VOPP1: variants seen among roughly 807,000 people sequenced by gnomAD.
The protein encoded by VOPP1 is VOPP1 WW domain binding protein, also known as WW domain binding protein VOPP1.
In VOPP1, 8 loss-of-function variants were observed where a neutral mutation model predicts 23.5. The ratio of observed to expected loss-of-function variants is 0.34; its 90% CI spans 0.20 to 0.61. VOPP1 has a LOEUF of 0.61. Among genes scored for constraint, VOPP1 ranks in the 20% least tolerant of loss-of-function variants. The probability of loss-of-function intolerance (pLI) is 0.78; values close to 1 mark genes in which losing one functional copy is unlikely to be tolerated. For synonymous variants in VOPP1, 83 were observed against 97.3 expected (o/e 0.85, Z 0.86); for missense variants, 174 against 238.1 (o/e 0.73, Z 1.77).
At chr7:55,545,969 A>C (rs1405333956) in intron 1 of VOPP1, among the ~76,000 whole-genome samples, 4 of 152,144 alleles carry the variant, frequency 2.6e-5, no homozygotes, top group African/African-American at 9.7e-5. Flanking sequence ...CAGGAAGCTG[A>C]GGTGGGAGGA....
intron 4 of VOPP1, among the ~76,000 whole-genome samples, chr7:55,451,259 TA>T (rs1389617636): frequency 6.6e-6 from 1 of 152,130 alleles, no homozygotes; most frequent in Non-Finnish European, 1.5e-5. Flanking sequence ...ACAGGAACAT[TA>T]CAATAAAAAG....
chr7:55,518,702 T>C (rs1795635554), intron 2 of VOPP1, among the ~76,000 whole-genome samples: 1 of 152,242 alleles, frequency 6.6e-6, no homozygotes, highest in Admixed American at 6.5e-5. Flanking sequence ...GGCACTATCC[T>C]ACGCTTGTTG....
chr7:55,515,667 T>C (rs1271722655), intron 2 of VOPP1, among the ~76,000 whole-genome samples: 1 of 152,018 alleles, frequency 6.6e-6, no homozygotes, highest in Non-Finnish European at 1.5e-5. Context: ...TGGAGCTACC[T>C]CCTCCCATGC....
chr7:55,543,297 T>C (rs1364634261), intron 1 of VOPP1, among the ~76,000 whole-genome samples: 1 of 152,230 alleles, frequency 6.6e-6, no homozygotes, highest in Non-Finnish European at 1.5e-5. Flanking sequence ...TGTCCACTGA[T>C]GGGCACTTAG....
chr7:55,508,243 G>A (rs1297983842), intron 2 of VOPP1, among the ~76,000 whole-genome samples: 1 of 152,154 alleles, frequency 6.6e-6, no homozygotes, highest in African/African-American at 2.4e-5. Flanking sequence ...TTAAATTACT[G>A]CTGAACTTTG....
intron 4 of VOPP1, among the ~76,000 whole-genome samples, chr7:55,453,059 T>C (rs1235240882): frequency 2.0e-5 from 3 of 151,948 alleles, no homozygotes; most frequent in Non-Finnish European, 2.9e-5. Context: ...AACTCTGTTG[T>C]CGAGTGTAGC....
intron 4 of VOPP1, among the ~76,000 whole-genome samples, chr7:55,461,926 T>C (rs919841105): frequency 1.3e-5 from 2 of 152,234 alleles, no homozygotes; most frequent in Admixed American, 6.5e-5. Context: ...TTCTCATTTG[T>C]ATCTGCTCCA....
At chr7:55,552,528 C>A in intron 1 of VOPP1, 1 of 1,466,376 alleles carries the variant, frequency 6.8e-7, no homozygotes, top group Non-Finnish European at 9.2e-7. Flanking sequence ...TTACACATGC[C>A]CAGCAACACA....
At chr7:55,552,769 C>T (rs546958417) in intron 1 of VOPP1, 1 of 1,527,068 alleles carries the variant, frequency 6.5e-7, no homozygotes, top group South Asian at 1.2e-5. Flanking sequence ...AGAGAGGCAG[C>T]AAGTGGAGCC....
chr7:55,447,550 T>C (rs1380121520), intron 4 of VOPP1, among the ~76,000 whole-genome samples: 1 of 152,222 alleles, frequency 6.6e-6, no homozygotes, highest in Non-Finnish European at 1.5e-5. Context: ...AGGAGGGCTG[T>C]CTGAATGGTT....
At chr7:55,547,290 C>CT (rs1400019860) in intron 1 of VOPP1, among the ~76,000 whole-genome samples, 1 of 152,166 alleles carries the variant, frequency 6.6e-6, no homozygotes, top group Non-Finnish European at 1.5e-5. Flanking sequence ...CTGAGGCTAC[C>CT]TTCCCCCTGG....
At chr7:55,572,064 C>T (rs1257924224) in intron 1 of VOPP1, among the ~76,000 whole-genome samples, 1 of 152,122 alleles carries the variant, frequency 6.6e-6, no homozygotes, top group African/African-American at 2.4e-5. Context: ...GAAGGAACGA[C>T]GGAAGGCGCG....
intron 1 of VOPP1, among the ~76,000 whole-genome samples, chr7:55,532,815 A>T (rs1009320666): frequency 6.6e-6 from 1 of 152,218 alleles, no homozygotes; most frequent in Non-Finnish European, 1.5e-5. Flanking sequence ...ACTACTACCA[A>T]ATTTCACACC....
intron 2 of VOPP1, among the ~76,000 whole-genome samples, chr7:55,502,612 C>A (rs1723898): frequency 0.66 from 100,394 of 152,060 alleles, 33,553 homozygotes; most frequent in Admixed American, 0.72. Context: ...TAAATTGGGG[C>A]CCTAAGCACA....
chr7:55,572,349 G>T lies in VOPP1; in HGVS notation c.-25C>A. 1 of 1,337,478 alleles carries T rather than the reference G, an allele frequency of 7.5e-7. No homozygotes were observed. The allele number at this position is 1,337,478 out of a possible 1,614,324, so 82.9% of individuals were successfully genotyped here. On this transcript the variant is annotated 5_prime_UTR_variant, in exon 1 of 5. Coordinates refer to ENST00000285279, the MANE Select transcript of VOPP1 (RefSeq NM_030796.5). ...TGGCTCCTCGCGTCCTCTCCAGCGC[G>T]CCCGGACGCCGGGTCGCAGGCGCGC...
intron 1 of VOPP1, among the ~76,000 whole-genome samples, chr7:55,525,218 C>T (rs967679751): frequency 7.2e-5 from 11 of 151,952 alleles, no homozygotes; most frequent in South Asian, 2.1e-4. Context: ...CGGCCGGGCG[C>T]GGTGGCTCAA....
intron 1 of VOPP1, among the ~76,000 whole-genome samples, chr7:55,548,318 G>C (rs1797453376): frequency 1.3e-5 from 2 of 152,218 alleles, no homozygotes; most frequent in South Asian, 4.1e-4. Context: ...GGTTTATGCT[G>C]CCTGTGTCTT....
intron 1 of VOPP1, chr7:55,538,756 T>C: frequency 1.8e-6 from 2 of 1,114,264 alleles, no homozygotes; most frequent in Non-Finnish European, 2.6e-6. Flanking sequence ...GAACGCTTTC[T>C]AAGGGGAATG....
intron 1 of VOPP1, chr7:55,526,671 C>A (rs1702869378): frequency 6.6e-6 from 1 of 152,234 alleles, no homozygotes; most frequent in Non-Finnish European, 1.5e-5. Flanking sequence ...AAGGTGAGAT[C>A]TTTAGATAAA....
Sources: allele counts gnomAD v4.1 joint callset (sites outside exome capture counted in the v4.1 genomes callset), GRCh38; gene constraint gnomAD v4.1.1; transcripts MANE v1.5; gene names NCBI Gene and HGNC (gene_info 2026-07-23, HGNC 2026-07-21).